The following FOXP1 variants were observed in gnomAD, a reference collection of about 807,000 sequenced individuals.
The protein encoded by FOXP1 is forkhead box P1.
A neutral mutation model predicts 98.2 loss-of-function variants in FOXP1; 15 were observed. The observed-to-expected ratio is 0.15, with a 90% CI of 0.10 to 0.24. The LOEUF is 0.24. FOXP1 is among the 10% of genes least tolerant of loss of function. The pLI is 1.00. For synonymous variants in FOXP1, 371 were observed against 314.5 expected (o/e 1.18, Z -1.90); for missense variants, 633 against 848.5 (o/e 0.75, Z 3.15).
intron 5 of FOXP1, among the ~76,000 whole-genome samples, chr3:71,290,311 G>A (rs192336219): frequency 1.5e-4 from 23 of 152,238 alleles, no homozygotes; most frequent in South Asian, 4.1e-4. Context: ...ATTATATCCC[G>A]TCATTCAAGA....
chr3:71,579,556 G>C (rs1407743500), intron 2 of FOXP1, among the ~76,000 whole-genome samples: 1 of 151,500 alleles, frequency 6.6e-6, no homozygotes, highest in African/African-American at 2.4e-5. Context: ...GCTCTCTCTC[G>C]CCTTTTTAAA....
intron 2 of FOXP1, among the ~76,000 whole-genome samples, chr3:71,578,531 T>C (rs2322031): frequency 0.56 from 85,892 of 152,054 alleles, 25,491 homozygotes; most frequent in Non-Finnish European, 0.63. Flanking sequence ...TACAAGATAG[T>C]GTTTCAAAAC....
At chr3:71,404,039 G>T (rs1440533258) in intron 3 of FOXP1, among the ~76,000 whole-genome samples, 2 of 151,044 alleles carry the variant, frequency 1.3e-5, no homozygotes, top group African/African-American at 4.9e-5. Context: ...GAGATATGGC[G>T]ATGGCCTACA....
chr3:71,281,861 G>A (rs1384729998), intron 5 of FOXP1, among the ~76,000 whole-genome samples: 3 of 151,746 alleles, frequency 2.0e-5, no homozygotes, highest in Non-Finnish European at 2.9e-5. Flanking sequence ...AACACTTTGG[G>A]AGGCCAAGGC....
chr3:71,556,400 ACT>A (rs1194850000), intron 2 of FOXP1, among the ~76,000 whole-genome samples: 1 of 151,934 alleles, frequency 6.6e-6, no homozygotes, highest in Non-Finnish European at 1.5e-5. Flanking sequence ...ACATGGTGAA[ACT>A]CTGTCTCTAC....
chr3:71,339,376 C>T (rs1208606135), intron 4 of FOXP1, among the ~76,000 whole-genome samples: 1 of 152,222 alleles, frequency 6.6e-6, no homozygotes, highest in Non-Finnish European at 1.5e-5. Context: ...CAACCACAAA[C>T]CTGTCCTCTA....
chr3:71,276,642 A>T (rs564774173), intron 5 of FOXP1, among the ~76,000 whole-genome samples: 1 of 152,344 alleles, frequency 6.6e-6, no homozygotes, highest in African/African-American at 2.4e-5. Context: ...CAATAACTGT[A>T]TATATGCATG....
intron 4 of FOXP1, among the ~76,000 whole-genome samples, chr3:71,328,987 A>AG (rs1365552684): frequency 8.7e-6 from 1 of 115,522 alleles, no homozygotes; most frequent in Non-Finnish European, 1.8e-5. Context: ...AAAAAAAAAA[A>AG]AACAAAAAAA....
intron 11 of FOXP1, among the ~76,000 whole-genome samples, chr3:71,035,435 C>T (rs894969828): frequency 2.6e-5 from 4 of 152,162 alleles, no homozygotes; most frequent in Admixed American, 6.5e-5. Flanking sequence ...GTTTCTGCTG[C>T]CACTACTCAA....
intron 4 of FOXP1, among the ~76,000 whole-genome samples, chr3:71,350,793 C>T (rs550071783): frequency 6.6e-6 from 1 of 152,264 alleles, no homozygotes; most frequent in African/African-American, 2.4e-5. Flanking sequence ...AGTATAGTAC[C>T]CGACGTGGTA....
chr3:71,488,599 C>G (rs577607821), intron 3 of FOXP1, among the ~76,000 whole-genome samples: 1 of 152,154 alleles, frequency 6.6e-6, no homozygotes, highest in Admixed American at 6.5e-5. Flanking sequence ...CCACCTTGGC[C>G]CCTAGCCAGT....
At chr3:71,046,761 T>G (rs1199330590) in intron 10 of FOXP1, among the ~76,000 whole-genome samples, 181 bp downstream of exon 10, 2 of 152,214 alleles carry the variant, frequency 1.3e-5, no homozygotes, top group African/African-American at 4.8e-5. Flanking sequence ...AGACTTCATT[T>G]TGGCATCAAC....
chr3:71,419,802 G>C (rs1577400891), intron 3 of FOXP1, among the ~76,000 whole-genome samples: 1 of 151,614 alleles, frequency 6.6e-6, no homozygotes, highest in African/African-American at 2.4e-5. Flanking sequence ...TTAGGAGCTA[G>C]GTATTTTTTT....
At chr3:71,329,065 G>A (rs1406065767) in intron 4 of FOXP1, among the ~76,000 whole-genome samples, 2 of 150,012 alleles carry the variant, frequency 1.3e-5, no homozygotes, top group East Asian at 2.0e-4. Context: ...ACCTGTGACT[G>A]GCTTGGTTGC....
intron 3 of FOXP1, among the ~76,000 whole-genome samples, chr3:71,367,844 T>C (rs1305527210): frequency 2.0e-5 from 3 of 152,200 alleles, no homozygotes; most frequent in Non-Finnish European, 4.4e-5. Flanking sequence ...CTAGTGGTAA[T>C]GGACTAGTTA....
At chr3:71,260,834 G>A (rs538123658) in intron 5 of FOXP1, among the ~76,000 whole-genome samples, 41 of 152,034 alleles carry the variant, frequency 2.7e-4, no homozygotes, top group Admixed American at 1.9e-3. Flanking sequence ...GAGCCCCCAC[G>A]CCCGGCCTAC....
At chr3:71,339,596 C>G (rs974723469) in intron 4 of FOXP1, among the ~76,000 whole-genome samples, 2 of 152,214 alleles carry the variant, frequency 1.3e-5, no homozygotes, top group East Asian at 1.9e-4. Context: ...AGATGTCTCT[C>G]TGCTTTCAAA....
intron 20 of FOXP1, among the ~76,000 whole-genome samples, chr3:70,960,529 T>TG (rs1325689443): frequency 6.6e-6 from 1 of 152,230 alleles, no homozygotes; most frequent in Non-Finnish European, 1.5e-5. Flanking sequence ...GACTTTCTGT[T>TG]GCAGGGGCTT....
intron 5 of FOXP1, among the ~76,000 whole-genome samples, chr3:71,220,716 G>A (rs887624506): frequency 2.6e-5 from 4 of 151,684 alleles, no homozygotes; most frequent in Non-Finnish European, 5.9e-5. Context: ...TCGCACCACT[G>A]CGATCCAACC....
Sources: allele counts gnomAD v4.1 joint callset (sites outside exome capture counted in the v4.1 genomes callset), GRCh38; gene constraint gnomAD v4.1.1; transcripts MANE v1.5; gene names NCBI Gene and HGNC (gene_info 2026-07-23, HGNC 2026-07-21).